Variants in ADAMTS9 observed in about 807,000 individuals in gnomAD.
The protein encoded by ADAMTS9 is ADAM metallopeptidase with thrombospondin type 1 motif 9, also known as A disintegrin and metalloproteinase with thrombospondin motifs 9.
Under a neutral mutation model 257.1 loss-of-function variants are expected in ADAMTS9, and 107 were observed. The ratio of observed to expected loss-of-function variants is 0.42; its 90% CI spans 0.36 to 0.49. The LOEUF is 0.49. ADAMTS9 is among the 20% of genes least tolerant of loss of function. The probability of loss-of-function intolerance (pLI) is 0.03; values close to 1 mark genes in which losing one functional copy is unlikely to be tolerated. For missense variants in ADAMTS9, 2,353 were observed against 2,469.1 expected, an observed-to-expected ratio of 0.95 and a Z score of 1.00; for synonymous variants, 982 against 880.9, an observed-to-expected ratio of 1.11 and a Z score of -2.03.
chr3:64,517,513 C>T (rs1456649923), intron 39 of ADAMTS9, among the ~76,000 whole-genome samples: 1 of 141,996 alleles, frequency 7.0e-6, no homozygotes, highest in Non-Finnish European at 1.5e-5. Context: ...CCTGCCTCAG[C>T]CTCCTAAAGT....
intron 12 of ADAMTS9, among the ~76,000 whole-genome samples, chr3:64,636,086 A>AG (rs1553712327): frequency 1.3e-5 from 2 of 151,480 alleles, no homozygotes; most frequent in African/African-American, 4.9e-5. Context: ...TTTTAAATTG[A>AG]TTTTTTTTGT....
intron 29 of ADAMTS9, among the ~76,000 whole-genome samples, chr3:64,566,031 C>T (rs143103779): frequency 1.6e-4 from 24 of 152,238 alleles, no homozygotes; most frequent in East Asian, 9.7e-4. Flanking sequence ...TCAGACCTTT[C>T]GATGTGATGA....
intron 16 of ADAMTS9, among the ~76,000 whole-genome samples, chr3:64,623,373 AG>A (rs1303864285): frequency 1.3e-5 from 2 of 152,208 alleles, no homozygotes; most frequent in African/African-American, 4.8e-5. Context: ...TGCAAGCAGC[AG>A]GGAAGTACTG....
chr3:64,638,279 A>G (rs1413459578), intron 12 of ADAMTS9, among the ~76,000 whole-genome samples: 1 of 152,196 alleles, frequency 6.6e-6, no homozygotes, highest in African/African-American at 2.4e-5. Context: ...TGTTTCAGCC[A>G]CAAGGAAGCT....
chr3:64,651,860 G>T (rs1228310485), intron 8 of ADAMTS9, among the ~76,000 whole-genome samples: 1 of 152,122 alleles, frequency 6.6e-6, no homozygotes, highest in Admixed American at 6.5e-5. Flanking sequence ...GGCACAAAAG[G>T]GTTCTTAAAT....
intron 3 of ADAMTS9, 111 bp downstream of exon 3, chr3:64,681,090 A>G (rs1408453350): frequency 3.2e-6 from 4 of 1,261,938 alleles, no homozygotes; most frequent in Non-Finnish European, 4.3e-6. Context: ...CTGAATAAAC[A>G]ATAATGCATA....
intron 3 of ADAMTS9, among the ~76,000 whole-genome samples, chr3:64,670,266 C>T (rs1476005201): frequency 6.6e-6 from 1 of 152,152 alleles, no homozygotes; most frequent in African/African-American, 2.4e-5. Context: ...CTGTTTTCAC[C>T]CCTGAGCTAA....
chr3:64,631,382 G>A, intron 16 of ADAMTS9, 73 bp downstream of exon 16: 4 of 1,197,544 alleles, frequency 3.3e-6, no homozygotes, highest in Non-Finnish European at 5.0e-6. Flanking sequence ...GCATGCCAGA[G>A]AAGGAAGGAA....
In ADAMTS9 at chr3:64,541,124, C is replaced by T. The variant is rs2083115604; in HGVS notation, c.5492G>A (p.Arg1831Lys). 1.2e-6 allele frequency: 2 copies of T among 1,614,110 alleles called. No homozygotes were observed. The highest frequency in any genetic ancestry group is 1.7e-6 in the Non-Finnish European group (2 of 1,179,958). ...AAGFSSFQKI[R>K]IDLTSMQIIT... ...TATCTGCATGCTGGTCAGGTCTATT[C>T]TGATTTTCTGAAAACTGGAAAACCC... The change falls in exon 36 of 40, where the codon AGA becomes AAA. Residue 1831 changes from arginine (R) to lysine (K), a missense_variant. Arg to Lys is a conservative substitution (Grantham distance 26). This residue lies in a region of ADAMTS9 where 1,402 missense variants were observed against 1,441.4 expected (regional missense o/e 0.97). Coordinates refer to ENST00000498707, the MANE Select transcript of ADAMTS9 (RefSeq NM_182920.2).
rs547866620 is a variant in ADAMTS9, at chr3:64,546,750, C to T, written c.5064+8G>A. 23 of 1,588,930 alleles carry T rather than the reference C, an allele frequency of 1.4e-5. No homozygotes were observed. The South Asian group carries it at 2.2e-4, about 15-fold the overall frequency. ...CTTTCAGATTTGAGTGCTCAGTCTT[C>T]TACTTACGCTCCCCCAGTTGCCAAC... On this transcript the variant is annotated splice_region_variant and intron_variant, in intron 32 of 39. Transcript: ENST00000498707.
chr3:64,640,784 T>C (rs1379328580), intron 12 of ADAMTS9, among the ~76,000 whole-genome samples: 1 of 152,238 alleles, frequency 6.6e-6, no homozygotes, highest in Admixed American at 6.5e-5. Context: ...TGGATGTCAT[T>C]TTTTATAATG....
chr3:64,679,456 T>C (rs746623747), intron 3 of ADAMTS9, among the ~76,000 whole-genome samples: 1 of 152,218 alleles, frequency 6.6e-6, no homozygotes, highest in Non-Finnish European at 1.5e-5. Flanking sequence ...GAATGGTAAC[T>C]ACCTCATAGG....
At chr3:64,574,719 A>G (rs2083789994) in intron 28 of ADAMTS9, among the ~76,000 whole-genome samples, 1 of 87,704 alleles carries the variant, frequency 1.1e-5, no homozygotes, top group South Asian at 3.1e-4. Context: ...TGACAGGGCA[A>G]GACACACACA....
intron 11 of ADAMTS9, among the ~76,000 whole-genome samples, chr3:64,642,332 A>G (rs1352582697): frequency 6.6e-6 from 1 of 152,220 alleles, no homozygotes; most frequent in Non-Finnish European, 1.5e-5. Flanking sequence ...GACAGGGCCA[A>G]AATGAGTTAT....
chr3:64,641,787 C>G, intron 12 of ADAMTS9, 61 bp downstream of exon 12: 1 of 1,594,410 alleles, frequency 6.3e-7, no homozygotes, highest in Non-Finnish European at 8.6e-7. Flanking sequence ...CAAATTATTC[C>G]CTTTAGGAAT....
At chr3:64,633,160 G>A (rs1700410466) in intron 14 of ADAMTS9, among the ~76,000 whole-genome samples, 1 of 152,214 alleles carries the variant, frequency 6.6e-6, no homozygotes. Context: ...ATTTGCTTAA[G>A]CACTGAGTTT....
intron 38 of ADAMTS9, among the ~76,000 whole-genome samples, chr3:64,526,847 C>T (rs2082917091): frequency 6.6e-6 from 1 of 152,110 alleles, no homozygotes; most frequent in Non-Finnish European, 1.5e-5. Flanking sequence ...AATATATGTG[C>T]TCAATGAATA....
At chr3:64,606,000 A>G (rs2084550167) in intron 23 of ADAMTS9, among the ~76,000 whole-genome samples, 1 of 152,208 alleles carries the variant, frequency 6.6e-6, no homozygotes, top group Non-Finnish European at 1.5e-5. Flanking sequence ...TGTAATTGCC[A>G]AATGAGCGTA....
rs1484252680 is a variant in ADAMTS9, at chr3:64,604,025, G to A, written c.3644C>T (p.Ser1215Phe). ...AGCACAGGCACTCTCGTCAGCCACA[G>A]AGCCATTCTCATCTCGGCAGCTGAC... ...RYVSCRDENGSVADESACATL... is the reference protein window; with the variant it reads ...RYVSCRDENGFVADESACATL... Residue 1215 changes from serine (S) to phenylalanine (F), a missense_variant, in exon 25 of 40, where the codon TCT becomes TTT. Ser to Phe is a radical substitution (Grantham distance 155). Around this residue, in one of 3 missense-constraint regions of ADAMTS9, gnomAD observed 1,402 missense variants for 1,441.4 expected, o/e 0.97. Coordinates refer to ENST00000498707, the MANE Select transcript of ADAMTS9 (RefSeq NM_182920.2). The A allele has an allele frequency of 6.2e-7, 1 of 1,613,956 alleles. No individual in the cohort carries two copies. Among genetic ancestry groups the A allele is most frequent in the African/African-American group, 1.3e-5 (1 of 74,902 alleles).
Sources: gnomAD v4.1 joint callset for allele counts (sites outside exome capture counted in the v4.1 genomes callset) on GRCh38, gnomAD v4.1.1 for gene constraint, gnomAD v4.1.1 regional missense constraint, MANE v1.5 for transcripts, NCBI Gene and HGNC (gene_info 2026-07-23, HGNC 2026-07-21) for gene names.